Variants in FSTL4 observed in about 807,000 individuals in gnomAD.
The protein encoded by FSTL4 is follistatin-related protein 4.
Under a neutral mutation model 78.2 loss-of-function variants are expected in FSTL4, and 28 were observed. That is an observed-to-expected ratio of 0.36 (90% CI 0.27 to 0.49). The LOEUF is 0.49. Ranked by LOEUF, FSTL4 falls within the 20% of genes least tolerant of loss-of-function variation. The probability of loss-of-function intolerance (pLI) is 0.98; values close to 1 mark genes in which losing one functional copy is unlikely to be tolerated. For missense variants in FSTL4, 922 were observed against 1,084.9 expected, an observed-to-expected ratio of 0.85 and a Z score of 2.11; for synonymous variants, 422 against 440.5, an observed-to-expected ratio of 0.96 and a Z score of 0.53.
chr5:133,482,282 T>A (rs1310950661), intron 3 of FSTL4, among the ~76,000 whole-genome samples: 1 of 151,954 alleles, frequency 6.6e-6, no homozygotes, highest in Non-Finnish European at 1.5e-5. Flanking sequence ...AAGAGCCAGA[T>A]CTGAGCATTG....
chr5:133,264,455 C>T (rs988534382), intron 6 of FSTL4, among the ~76,000 whole-genome samples: 7 of 151,964 alleles, frequency 4.6e-5, no homozygotes, highest in Non-Finnish European at 7.4e-5. Context: ...AAACCTTGCC[C>T]GGGGGTGTGG....
intron 6 of FSTL4, among the ~76,000 whole-genome samples, chr5:133,261,235 GC>G (rs1752512227): frequency 6.6e-6 from 1 of 152,126 alleles, no homozygotes; most frequent in Non-Finnish European, 1.5e-5. Context: ...TGTCACCAAA[GC>G]CTCAAGCTCT....
intron 14 of FSTL4, chr5:133,208,003 T>C (rs1750580625): frequency 1.3e-5 from 2 of 152,316 alleles, no homozygotes; most frequent in Middle Eastern, 3.4e-3. Context: ...GGTATCAGAA[T>C]TTCTTTCATT....
chr5:133,486,110 G>A (rs1383774578), intron 3 of FSTL4, among the ~76,000 whole-genome samples: 1 of 152,156 alleles, frequency 6.6e-6, no homozygotes, highest in East Asian at 1.9e-4. Context: ...CGGGCTCATG[G>A]AGGAGAATAA....
intron 3 of FSTL4, among the ~76,000 whole-genome samples, chr5:133,497,222 G>T (rs1439218456): frequency 2.0e-5 from 3 of 152,238 alleles, no homozygotes; most frequent in Non-Finnish European, 4.4e-5. Context: ...GAGGGAGCAG[G>T]TCACTGAGCT....
intron 13 of FSTL4, among the ~76,000 whole-genome samples, chr5:133,211,442 G>A (rs1449609654): frequency 6.6e-6 from 1 of 152,096 alleles, no homozygotes; most frequent in Non-Finnish European, 1.5e-5. Flanking sequence ...TGGTTTCAAT[G>A]ATCTTTTCCT....
chr5:133,233,635 G>C (rs1751567259), intron 7 of FSTL4, 98 bp from the exon 8 acceptor site: 1 of 1,461,402 alleles, frequency 6.8e-7, no homozygotes, highest in Non-Finnish European at 9.4e-7. Context: ...GCAGCTGGGA[G>C]AGAGTTCCTT....
the FSTL4 span, among the ~76,000 whole-genome samples, chr5:133,634,864 G>A: frequency 2.6e-3 from 398 of 152,216 alleles, 1 homozygote; most frequent in Non-Finnish European, 5.1e-3. Context: ...ACAGCAAATA[G>A]CATGGCAATT....
chr5:133,742,421 A>G, the FSTL4 span, among the ~76,000 whole-genome samples: 1 of 152,242 alleles, frequency 6.6e-6, no homozygotes, highest in Non-Finnish European at 1.5e-5. Flanking sequence ...TTCAAATTAA[A>G]AGGGAGGTGA....
chr5:133,346,257 G>A (rs1294080147), intron 4 of FSTL4, among the ~76,000 whole-genome samples: 1 of 152,140 alleles, frequency 6.6e-6, no homozygotes, highest in Non-Finnish European at 1.5e-5. Flanking sequence ...TTGGGGGCAA[G>A]GGGAGGGAGA....
At chr5:133,675,656 T>C in the FSTL4 span, among the ~76,000 whole-genome samples, 2 of 152,190 alleles carry the variant, frequency 1.3e-5, no homozygotes, top group Non-Finnish European at 2.9e-5. Flanking sequence ...CATGAGGGCT[T>C]TCTGCCAAAC....
chr5:133,369,877 C>CG (rs1755255197), intron 4 of FSTL4, among the ~76,000 whole-genome samples: 2 of 152,174 alleles, frequency 1.3e-5, no homozygotes, highest in African/African-American at 2.4e-5. Context: ...TCCCTGGTGG[C>CG]AGAGGACACA....
intron 4 of FSTL4, among the ~76,000 whole-genome samples, chr5:133,355,412 C>T (rs1410461469): frequency 1.3e-5 from 2 of 152,194 alleles, no homozygotes; most frequent in African/African-American, 4.8e-5. Context: ...AATCCCAGCA[C>T]TTTGGGAGGC....
intron 7 of FSTL4, among the ~76,000 whole-genome samples, chr5:133,235,215 C>T (rs1022256862): frequency 2.6e-5 from 4 of 152,196 alleles, no homozygotes; most frequent in Non-Finnish European, 5.9e-5. Context: ...CATGGTAGCT[C>T]ATGCCTGTAA....
At chr5:133,428,680 T>A (rs953334880) in intron 3 of FSTL4, among the ~76,000 whole-genome samples, 1 of 152,226 alleles carries the variant, frequency 6.6e-6, no homozygotes, top group Admixed American at 6.5e-5. Context: ...TAGGGGCTCC[T>A]GTCCTCACTC....
At chr5:133,350,068 G>C (rs2126925293) in intron 4 of FSTL4, among the ~76,000 whole-genome samples, 1 of 145,608 alleles carries the variant, frequency 6.9e-6, no homozygotes, top group Non-Finnish European at 1.5e-5. Context: ...TTGTCATGCT[G>C]CCATGCGACT....
intron 3 of FSTL4, among the ~76,000 whole-genome samples, chr5:133,559,012 C>A (rs1478069336): frequency 6.6e-6 from 1 of 152,138 alleles, no homozygotes; most frequent in African/African-American, 2.4e-5. Context: ...AAAAACAACA[C>A]AATCTTAAAA....
At chr5:133,204,651 G>GTTGGCCCCATCTGGT (rs1261944513) in intron 14 of FSTL4, among the ~76,000 whole-genome samples, 2 of 151,976 alleles carry the variant, frequency 1.3e-5, no homozygotes, top group African/African-American at 2.4e-5. Flanking sequence ...GGCCAACATG[G>GTTGGCCCCATCTGGT]TGAAACCCCA....
In FSTL4 at chr5:133,220,871, G is replaced by A; in HGVS notation, c.1340-5C>T. On this transcript the variant is annotated splice_region_variant and splice_polypyrimidine_tract_variant and intron_variant, in intron 11 of 15. Coordinates refer to ENST00000265342, the MANE Select transcript of FSTL4 (RefSeq NM_015082.2). ...ACATGTTTCCCACGCTGAGGCCTGGGAGGAGCAAATGGAATGGGCATGCCC... is the reference window on the plus strand; with the variant it reads ...ACATGTTTCCCACGCTGAGGCCTGGAAGGAGCAAATGGAATGGGCATGCCC... The A allele has an allele frequency of 6.4e-7, 1 of 1,561,872 alleles. No homozygotes were observed.
Sources: gnomAD v4.1 joint callset for allele counts (sites outside exome capture counted in the v4.1 genomes callset) on GRCh38, gnomAD v4.1.1 for gene constraint, MANE v1.5 for transcripts, NCBI Gene and HGNC (gene_info 2026-07-23, HGNC 2026-07-21) for gene names.